ITGA2: variants seen among roughly 807,000 people sequenced by gnomAD.
The protein encoded by ITGA2 is integrin alpha-2.
A neutral mutation model predicts 146.3 loss-of-function variants in ITGA2; 101 were observed. That is an observed-to-expected ratio of 0.69 (90% CI 0.59 to 0.81). ITGA2 has a LOEUF of 0.81. Ranked by LOEUF, ITGA2 falls within the 40% of genes least tolerant of loss-of-function variation. The probability of loss-of-function intolerance (pLI) is 0.00; values close to 1 mark genes in which losing one functional copy is unlikely to be tolerated. For synonymous variants in ITGA2, 477 were observed against 487.1 expected, an observed-to-expected ratio of 0.98 and a Z score of 0.27; for missense variants, 1,281 against 1,402.7, an observed-to-expected ratio of 0.91 and a Z score of 1.39.
chr5:53,083,785 C>A (rs1746032992), intron 27 of ITGA2, among the ~76,000 whole-genome samples: 1 of 152,190 alleles, frequency 6.6e-6, no homozygotes, highest in African/African-American at 2.4e-5. Flanking sequence ...CTAGGGGTTC[C>A]TCCACTCTCC....
At chr5:53,020,778 C>T (rs1412417064) in intron 1 of ITGA2, among the ~76,000 whole-genome samples, 1 of 151,240 alleles carries the variant, frequency 6.6e-6, no homozygotes, top group African/African-American at 2.4e-5. Flanking sequence ...GCCTTCCGGG[C>T]TCAAGTGATT....
At chr5:53,011,736 TG>T (rs148743279) in intron 1 of ITGA2, among the ~76,000 whole-genome samples, 2 of 150,212 alleles carry the variant, frequency 1.3e-5, no homozygotes, top group African/African-American at 2.5e-5. Flanking sequence ...AATATGTGAG[TG>T]GGGGGGAGTG....
intron 2 of ITGA2, among the ~76,000 whole-genome samples, chr5:53,028,545 AT>A (rs1743061957): frequency 6.6e-6 from 1 of 152,232 alleles, no homozygotes; most frequent in African/African-American, 2.4e-5. Context: ...TGGTCGGTAT[AT>A]TTTGACCTTG....
At chr5:52,995,764 C>G (rs538940338) in intron 1 of ITGA2, among the ~76,000 whole-genome samples, 5 of 152,068 alleles carry the variant, frequency 3.3e-5, no homozygotes, top group African/African-American at 1.2e-4. Context: ...GTCATTGGCA[C>G]CTAGAGAATA....
chr5:53,008,525 T>C (rs1331929384), intron 1 of ITGA2, among the ~76,000 whole-genome samples: 2 of 152,038 alleles, frequency 1.3e-5, no homozygotes, highest in South Asian at 2.1e-4. Context: ...GTGACGCTCA[T>C]GTATTTCTTT....
intron 2 of ITGA2, among the ~76,000 whole-genome samples, chr5:53,038,191 C>T (rs1316359081): frequency 2.8e-5 from 4 of 141,754 alleles, no homozygotes; most frequent in Admixed American, 7.4e-5. Flanking sequence ...TGCAGCTTTG[C>T]TACCAGAGGC....
In ITGA2 at chr5:53,056,141, G is replaced by T. The variant is rs766146971; in HGVS notation, c.1088G>T (p.Ser363Ile). The T allele has an allele frequency of 3.1e-6, 5 of 1,610,940 alleles. No individual in the cohort carries two copies. The highest frequency in any genetic ancestry group is 4.2e-6 in the Non-Finnish European group (5 of 1,178,314). ...GGGACATTAGGAGAACAAATTTTCA[G>T]CATTGAAGGTAAAAAAAATAACCTC... Reference protein sequence around the residue: ...KAGTLGEQIFSIEGTVQGGDN... With the variant: ...KAGTLGEQIFIIEGTVQGGDN... Residue 363 changes from serine to isoleucine, a missense_variant, in exon 9 of 30, where the codon AGC (serine) becomes ATC (isoleucine). Around this residue, in one of 3 missense-constraint regions of ITGA2, gnomAD observed 795 missense variants for 841.7 expected, o/e 0.94. Transcript: ENST00000296585.
chr5:53,051,831 C>A (rs1744383569), intron 7 of ITGA2, among the ~76,000 whole-genome samples: 1 of 151,918 alleles, frequency 6.6e-6, no homozygotes, highest in South Asian at 2.1e-4. Context: ...AATGAGAAGA[C>A]CTTAGATTAA....
chr5:53,005,768 G>T (rs1335789613), intron 1 of ITGA2, among the ~76,000 whole-genome samples: 1 of 152,054 alleles, frequency 6.6e-6, no homozygotes, highest in Non-Finnish European at 1.5e-5. Context: ...CCACAATGAG[G>T]TAAACATATA....
At position 53,045,911 on chromosome 5, in the gene ITGA2, T is replaced by A. The variant is rs1357412626; in HGVS notation, c.387+819T>A. On this transcript the variant is annotated intron_variant, in intron 4 of 29. Transcript: ENST00000296585. ...CCCTGTTAAAATTGTCTTAGAGAGGTTGGGCGCGGTGGCTCATGGCTGTAA... is the reference window on the plus strand; with the variant it reads ...CCCTGTTAAAATTGTCTTAGAGAGGATGGGCGCGGTGGCTCATGGCTGTAA... Among the ~76,000 whole-genome samples, 21 of 142,832 alleles carry A rather than the reference T, an allele frequency of 1.5e-4. No homozygotes were observed. In the Admixed American group the frequency reaches 1.5e-3, roughly 10 times the overall value. The allele number at this position is 142,832 out of a possible 152,430, so 93.7% of individuals were successfully genotyped here. A position where few individuals can be genotyped will look rare whatever the true frequency, so the allele number is the denominator to read the frequency against.
At position 53,058,021 on chromosome 5, in the gene ITGA2, C is replaced by T; in HGVS notation, c.1097-4C>T. 1 of 1,606,456 alleles carries T rather than the reference C, an allele frequency of 6.2e-7. No homozygotes were observed. ...AATACAATTTTTAAAATTGAATGTT[C>T]CAGGTACTGTTCAAGGAGGAGACAA... On this transcript the variant is annotated splice_polypyrimidine_tract_variant and splice_region_variant and intron_variant, in intron 9 of 29. Coordinates refer to ENST00000296585, the MANE Select transcript of ITGA2 (RefSeq NM_002203.4).
chr5:53,070,349 A>G, intron 17 of ITGA2, 89 bp downstream of exon 17: 1 of 1,292,618 alleles, frequency 7.7e-7, no homozygotes, highest in Non-Finnish European at 1.1e-6. Flanking sequence ...TATGAGTTAG[A>G]AAATGCTCAC....
At position 52,989,482 on chromosome 5, in the gene ITGA2, G is replaced by C. The variant is rs779969604; in HGVS notation, c.14G>C (p.Arg5Pro). The C allele has an allele frequency of 4.5e-5, 73 of 1,614,062 alleles. 1 individual carries two copies. The Admixed American group carries it at 4.7e-4, about 10-fold the overall frequency. Residue 5 changes from arginine to proline, a missense_variant, in exon 1 of 30, where the codon CGG (arginine) becomes CCG (proline). Coordinates refer to ENST00000296585, the MANE Select transcript of ITGA2 (RefSeq NM_002203.4). MGPE[R>P]TGAAPLPLLL... ...GTCAGACCCAGGATGGGGCCAGAAC[G>C]GACAGGGGCCGCGCCGCTGCCGCTG... is the stretch of plus-strand genomic sequence containing the variant.
chr5:53,070,525 A>T (rs998876599), intron 17 of ITGA2, among the ~76,000 whole-genome samples: 1 of 151,968 alleles, frequency 6.6e-6, no homozygotes, highest in Non-Finnish European at 1.5e-5. Flanking sequence ...TCATAGATAC[A>T]GTGTTTTCTT....
At chr5:53,080,208 C>T (rs1025055715) in intron 24 of ITGA2, among the ~76,000 whole-genome samples, 9 of 152,052 alleles carry the variant, frequency 5.9e-5, no homozygotes, top group Admixed American at 1.3e-4. Flanking sequence ...TTCCATTGAG[C>T]CATTTATGCC....
At chr5:53,090,321 A>G (rs1339083522) in intron 29 of ITGA2, among the ~76,000 whole-genome samples, 198 bp from the exon 30 acceptor site, 2 of 152,142 alleles carry the variant, frequency 1.3e-5, no homozygotes, top group Non-Finnish European at 2.9e-5. Flanking sequence ...ATGTAGCTTT[A>G]TGCAATGCAG....
In ITGA2 at chr5:53,051,365, T is replaced by G. The variant is rs781061108; in HGVS notation, c.631-46T>G. The G allele has an allele frequency of 2.5e-6, 4 of 1,591,012 alleles. No individual in the cohort carries two copies. The African/African-American group carries it at 5.4e-5, about 21-fold the overall frequency. On this transcript the variant is annotated intron_variant, in intron 6 of 29. Coordinates refer to ENST00000296585, the MANE Select transcript of ITGA2 (RefSeq NM_002203.4). ...ATTTTATTGGTTAAGTAGAAATTAT[T>G]TTTAATGTAATGACAGCCCATTAAT...
At chr5:53,083,667 G>A (rs1357378420) in intron 27 of ITGA2, among the ~76,000 whole-genome samples, 1 of 152,166 alleles carries the variant, frequency 6.6e-6, no homozygotes, top group Non-Finnish European at 1.5e-5. Context: ...GGATACTTGT[G>A]AAAGGGTCTG....
At position 53,042,166 on chromosome 5, in the gene ITGA2, G is replaced by T; in HGVS notation, c.240G>T (p.Val80=). The part of the protein sequence containing the change: ...SGFPENRMGD[V]YKCPVDLSTA... ...TTCCTGAGAACCGAATGGGAGATGT[G>T]TATAAATGTCCTGTTGACCTATCCA... Residue 80 remains valine (V), a synonymous_variant, in exon 3 of 30, where the codon GTG becomes GTT. Coordinates refer to ENST00000296585, the MANE Select transcript of ITGA2 (RefSeq NM_002203.4). 1 of 1,613,466 alleles carries T rather than the reference G, an allele frequency of 6.2e-7. No homozygotes were observed. Among genetic ancestry groups the T allele is most frequent in the Non-Finnish European group, 8.5e-7 (1 of 1,179,458 alleles).
Sources: allele counts gnomAD v4.1 joint callset (sites outside exome capture counted in the v4.1 genomes callset), GRCh38; gene constraint gnomAD v4.1.1; regional missense constraint gnomAD v4.1.1; transcripts MANE v1.5; gene names NCBI Gene and HGNC (gene_info 2026-07-23, HGNC 2026-07-21).